The following NDST4 variants were observed in gnomAD, a reference collection of about 807,000 sequenced individuals.
The protein encoded by NDST4 is N-deacetylase and N-sulfotransferase 4.
In NDST4, 63 loss-of-function variants were observed where a neutral mutation model predicts 100.8. The ratio of observed to expected loss-of-function variants is 0.62; its 90% CI spans 0.51 to 0.77. The LOEUF is 0.77. Among genes scored for constraint, NDST4 ranks in the 30% least tolerant of loss-of-function variants. The pLI is 0.00. For synonymous variants in NDST4, 377 were observed against 361.8 expected, an observed-to-expected ratio of 1.04 and a Z score of -0.48; for missense variants, 943 against 1,018.4, an observed-to-expected ratio of 0.93 and a Z score of 1.01.
intron 4 of NDST4, among the ~76,000 whole-genome samples, chr4:114,953,977 T>G (rs1726080450): frequency 6.6e-6 from 1 of 152,170 alleles, no homozygotes; most frequent in Non-Finnish European, 1.5e-5. Context: ...GCTTCAAGCT[T>G]ACTAGCTGAT....
chr4:114,983,715 T>C lies in NDST4; in HGVS notation c.979-6441A>G, dbSNP rs957396134. Among the ~76,000 whole-genome samples the C allele has an allele frequency of 2.9e-4, 44 of 152,270 alleles. 1 individual carries two copies. The highest frequency in any genetic ancestry group is 1.1e-3 in the African/African-American group (44 of 41,552). Reference sequence around the variant, plus strand: ...CTGTTGGAAAGGCATGACTGTATTTTGAAATGTGAGAAGGATATGAGATTT... The same window carrying C: ...CTGTTGGAAAGGCATGACTGTATTTCGAAATGTGAGAAGGATATGAGATTT... On this transcript the variant is annotated intron_variant, in intron 2 of 13. Transcript: ENST00000264363.
At chr4:114,886,709 T>C (rs1724486689) in intron 6 of NDST4, among the ~76,000 whole-genome samples, 1 of 152,082 alleles carries the variant, frequency 6.6e-6, no homozygotes, top group South Asian at 2.1e-4. Context: ...TTAGATACTA[T>C]ATGTTGCTTT....
At chr4:114,851,818 G>T (rs1461740669) in intron 8 of NDST4, among the ~76,000 whole-genome samples, 1 of 152,072 alleles carries the variant, frequency 6.6e-6, no homozygotes. Context: ...AGAAAGAAAA[G>T]ATTTCAACAA....
chr4:114,828,205 A>G (rs1723122651), intron 13 of NDST4, among the ~76,000 whole-genome samples: 1 of 152,150 alleles, frequency 6.6e-6, no homozygotes, highest in Non-Finnish European at 1.5e-5. Context: ...TGAAGTCTAC[A>G]CAGAAAGAAA....
At chr4:115,017,823 T>C (rs1252332769) in intron 2 of NDST4, among the ~76,000 whole-genome samples, 2 of 151,978 alleles carry the variant, frequency 1.3e-5, no homozygotes, top group African/African-American at 4.8e-5. Context: ...TTGGATCATA[T>C]GCTGCCCAGT....
At chr4:114,975,807 G>T (rs572359482) in intron 3 of NDST4, among the ~76,000 whole-genome samples, 33 of 152,110 alleles carry the variant, frequency 2.2e-4, no homozygotes, top group Non-Finnish European at 3.7e-4. Flanking sequence ...AGCCTTTAAA[G>T]CTATCTGCTT....
At chr4:114,858,516 C>G (rs1016100706) in intron 7 of NDST4, among the ~76,000 whole-genome samples, 3 of 152,190 alleles carry the variant, frequency 2.0e-5, no homozygotes, top group East Asian at 1.9e-4. Context: ...GGAAAGGCCA[C>G]TTGAAAGATA....
At chr4:114,983,778 G>C (rs1726835037) in intron 2 of NDST4, among the ~76,000 whole-genome samples, 1 of 152,134 alleles carries the variant, frequency 6.6e-6, no homozygotes, top group Non-Finnish European at 1.5e-5. Context: ...GTTGGGCTCT[G>C]TGTCCCCACC....
intron 2 of NDST4, among the ~76,000 whole-genome samples, chr4:115,006,040 A>C (rs1310549166): frequency 6.6e-6 from 1 of 151,258 alleles, no homozygotes; most frequent in East Asian, 1.9e-4. Context: ...TCAAAAAAAA[A>C]AAAAAAAAAG....
chr4:114,854,159 T>C (rs1032903958), intron 7 of NDST4, among the ~76,000 whole-genome samples: 3 of 152,236 alleles, frequency 2.0e-5, no homozygotes, highest in African/African-American at 7.2e-5. Context: ...TGTATCATTA[T>C]ATGCTCTATC....
chr4:114,977,336 C>G, intron 2 of NDST4, 62 bp from the exon 3 acceptor site: 1 of 1,160,704 alleles, frequency 8.6e-7, no homozygotes, highest in South Asian at 1.3e-5. Flanking sequence ...TGGGATGCCT[C>G]TTTTGCAAAT....
chr4:115,100,655 TAATAACATTAAATAG>T (rs1489614556), intron 1 of NDST4, among the ~76,000 whole-genome samples: 1 of 152,120 alleles, frequency 6.6e-6, no homozygotes, highest in East Asian at 1.9e-4. Context: ...TATATTTCCT[TAATAACATTAAATAG>T]TCTGATTCAT....
rs535070216 is a variant in NDST4 at position 114,900,442 on chromosome 4, A to G, written c.1537-29492T>C. On this transcript the variant is annotated intron_variant, in intron 6 of 13. Transcript: ENST00000264363. ...TTTTTCTAAAACAGTAATGGACTAC[A>G]TAACAGTGTTTTAGTCAACAATGGA... Among the ~76,000 whole-genome samples, 228 of 152,284 alleles carry G rather than the reference A, an allele frequency of 1.5e-3. 1 individual carries two copies. Among genetic ancestry groups the G allele is most frequent in the Middle Eastern group, 6.8e-3 (2 of 294 alleles).
At chr4:114,951,094 A>G (rs2126232015) in intron 4 of NDST4, among the ~76,000 whole-genome samples, 1 of 152,220 alleles carries the variant, frequency 6.6e-6, no homozygotes, top group African/African-American at 2.4e-5. Context: ...CAAAAAATAA[A>G]GGACTGACAA....
intron 2 of NDST4, among the ~76,000 whole-genome samples, chr4:114,978,494 A>C (rs961087980): frequency 5.9e-5 from 9 of 152,118 alleles, no homozygotes; most frequent in African/African-American, 2.2e-4. Flanking sequence ...ATTATCAACT[A>C]AGTAGACAAA....
At chr4:114,974,108 C>T (rs888412444) in intron 3 of NDST4, among the ~76,000 whole-genome samples, 2 of 151,726 alleles carry the variant, frequency 1.3e-5, no homozygotes, top group Non-Finnish European at 2.9e-5. Context: ...AGCATTGCTC[C>T]TAATAAAAGA....
chr4:114,955,621 C>T (rs76797483), intron 4 of NDST4, among the ~76,000 whole-genome samples: 2,473 of 152,270 alleles, frequency 0.016, 64 homozygotes, highest in African/African-American at 0.057. Flanking sequence ...CAGAGTTGTG[C>T]AATGGTGGTA....
intron 2 of NDST4, among the ~76,000 whole-genome samples, chr4:115,066,132 G>T (rs1167115541): frequency 6.6e-6 from 1 of 152,138 alleles, no homozygotes; most frequent in African/African-American, 2.4e-5. Flanking sequence ...CTGTGAATAT[G>T]TCCTGTCTCT....
At chr4:114,997,510 A>T in intron 2 of NDST4, among the ~76,000 whole-genome samples, 1 of 152,058 alleles carries the variant, frequency 6.6e-6, no homozygotes, top group East Asian at 1.9e-4. Context: ...GTATGGCAGA[A>T]CATAGCCTAC....
Sources: gnomAD v4.1 joint callset for allele counts (sites outside exome capture counted in the v4.1 genomes callset) on GRCh38, gnomAD v4.1.1 for gene constraint, MANE v1.5 for transcripts, NCBI Gene and HGNC (gene_info 2026-07-23, HGNC 2026-07-21) for gene names.